The following CACNA1S variants were observed in gnomAD, a reference collection of about 807,000 sequenced individuals.
The protein encoded by CACNA1S is voltage-dependent L-type calcium channel subunit alpha-1S.
CACNA1S carries 126 observed loss-of-function variants against 207.4 expected under a neutral mutation model. That is an observed-to-expected ratio of 0.61 (90% CI 0.53 to 0.70). CACNA1S has a LOEUF of 0.70. CACNA1S is among the 30% of genes least tolerant of loss of function. CACNA1S has a pLI of 0.00. For synonymous variants in CACNA1S, 960 were observed against 932.7 expected (o/e 1.03, Z -0.53); for missense variants, 2,349 against 2,422.8 (o/e 0.97, Z 0.64).
chr1:201,059,533 G>C (rs1211422889), intron 26 of CACNA1S, among the ~76,000 whole-genome samples: 1 of 152,226 alleles, frequency 6.6e-6, no homozygotes, highest in East Asian at 1.9e-4. Context: ...TAACACAGAA[G>C]GGGAGGGGCT....
intron 13 of CACNA1S, 140 bp downstream of exon 13, chr1:201,075,355 C>T (rs578038063): frequency 2.3e-5 from 21 of 903,388 alleles, no homozygotes; most frequent in South Asian, 1.3e-4. Context: ...TGTCCTACCC[C>T]CTACCGCATG....
intron 5 of CACNA1S, 55 bp downstream of exon 5, chr1:201,091,585 C>T (rs1218789796): frequency 6.3e-7 from 1 of 1,597,764 alleles, no homozygotes; most frequent in Non-Finnish European, 8.6e-7. Context: ...GGTGGCTCCC[C>T]CTTCTGAGCC....
chr1:201,075,448 C>G, intron 13 of CACNA1S, 47 bp downstream of exon 13: 1 of 1,600,392 alleles, frequency 6.2e-7, no homozygotes, highest in Non-Finnish European at 8.6e-7. Flanking sequence ...CCCTTTCCCC[C>G]ACCCCCTCCC....
rs770656327 is a variant in CACNA1S at position 201,041,557 on chromosome 1, G to C, written c.5081C>G (p.Thr1694Arg). ...VHYEREFPEE[T>R]ETPATRGRAL... is the part of the protein sequence containing the mutation. ...TCGTCCTCTGGTAGCAGGCGTCTCT[G>C]TCTCTTCTGGGAACTCCCTTTCATA... The change falls in exon 41 of 44, where the codon ACA becomes AGA. Residue 1694 changes from threonine to arginine, a missense_variant. By Grantham distance (71) the Thr-to-Arg change is moderately conservative. Transcript: ENST00000362061. The C allele has an allele frequency of 1.9e-6, 3 of 1,614,002 alleles. No individual in the cohort carries two copies. Among genetic ancestry groups the C allele is most frequent in the East Asian group, 2.2e-5 (1 of 44,898 alleles).
intron 29 of CACNA1S, 86 bp downstream of exon 29, chr1:201,054,419 C>T (rs1427144072): frequency 1.8e-5 from 25 of 1,370,010 alleles, no homozygotes; most frequent in Admixed American, 1.7e-4. Context: ...CCACCCCATG[C>T]AATCCACGCA....
Position 201,040,322 on chromosome 1 carries a change from C to G in CACNA1S, c.5279G>C (p.Gly1760Ala), listed in dbSNP as rs554208789. Residue 1760 changes from glycine to alanine, a missense_variant, in exon 43 of 44, where the codon GGG becomes GCG. By Grantham distance (60) the Gly-to-Ala change is moderately conservative. Coordinates refer to ENST00000362061, the MANE Select transcript of CACNA1S (RefSeq NM_000069.3). ...GTGGGGTGTCTCCTCATGAAGAGAC[C>G]CTGGTGTGGAGCTCTTTCTGTCCTC... ...MPEDRKSSTP[G>A]SLHEETPHSR... 4 of 1,613,804 alleles carry G rather than the reference C, an allele frequency of 2.5e-6. No individual in the cohort carries two copies. The Admixed American group carries it at 6.7e-5, about 27-fold the overall frequency.
At position 201,069,480 on chromosome 1, in the gene CACNA1S, T is replaced by C. The variant is rs1174225838; in HGVS notation, c.2482A>G (p.Arg828Gly). Reference sequence around the variant, plus strand: ...AGGGTGAAGCCCGTCACCTGATTTCTCATGGAATCAGCCCGGATGGGGTCT... The same window carrying C: ...AGGGTGAAGCCCGTCACCTGATTTCCCATGGAATCAGCCCGGATGGGGTCT... ...AEDPIRADSM[R>G]NQILKHFDIG... The change falls in exon 18 of 44, where the codon AGA becomes GGA. Residue 828 changes from arginine to glycine, a missense_variant. Physicochemically the swap from Arg to Gly is moderately radical, Grantham distance 125. Transcript: ENST00000362061. 5.0e-6 allele frequency: 8 copies of C among 1,604,982 alleles called. No individual in the cohort carries two copies. In the African/African-American group the frequency reaches 9.3e-5, roughly 19 times the overall value.
chr1:201,054,361 T>C (rs1224417019), intron 29 of CACNA1S, 144 bp downstream of exon 29: 1 of 799,902 alleles, frequency 1.3e-6, no homozygotes, highest in East Asian at 2.6e-5. Context: ...GAGCCTAGCC[T>C]GGGTCCTCAG....
At chr1:201,059,110 G>A (rs1159352896) in intron 27 of CACNA1S, 79 bp downstream of exon 27, 7 of 887,186 alleles carry the variant, frequency 7.9e-6, no homozygotes, top group South Asian at 6.9e-5. Context: ...TAGGATGAGG[G>A]ATGGGGGTGG....
chr1:201,064,416 G>A (rs764585530), intron 22 of CACNA1S, among the ~76,000 whole-genome samples: 1 of 152,244 alleles, frequency 6.6e-6, no homozygotes, highest in Admixed American at 6.5e-5. Context: ...TTCTCTAGGG[G>A]CTCCACGCTG....
intron 23 of CACNA1S, 130 bp downstream of exon 23, chr1:201,062,332 T>C: frequency 9.7e-7 from 1 of 1,035,954 alleles, no homozygotes; most frequent in Non-Finnish European, 1.5e-6. Context: ...CACAGTCCCC[T>C]GCCCTGTGAT....
At chr1:201,074,138 C>G (rs1392187059) in intron 14 of CACNA1S, among the ~76,000 whole-genome samples, 1 of 151,802 alleles carries the variant, frequency 6.6e-6, no homozygotes, top group Non-Finnish European at 1.5e-5. Flanking sequence ...GCATGGGCAC[C>G]ACCGGGGAGC....
chr1:201,089,307 G>A lies in CACNA1S; in HGVS notation c.851C>T (p.Thr284Ile), dbSNP rs764819953. The A allele has an allele frequency of 1.2e-6, 2 of 1,614,152 alleles. No individual in the cohort carries two copies. The highest frequency in any genetic ancestry group is 2.7e-5 in the African/African-American group (2 of 74,948). The change falls in exon 6 of 44, where the codon ACC becomes ATC. Residue 284 changes from threonine to isoleucine, a missense_variant. Transcript: ENST00000362061. Reference protein sequence around the residue: ...HFDNFGFSMLTVYQCITMEGW... With the variant: ...HFDNFGFSMLIVYQCITMEGW... ...CTCCATGGTAATGCACTGGTACACGGTGAGCATGGAGAAGCCGAAGTTGTC... is the reference window on the plus strand; with the variant it reads ...CTCCATGGTAATGCACTGGTACACGATGAGCATGGAGAAGCCGAAGTTGTC...
intron 28 of CACNA1S, among the ~76,000 whole-genome samples, chr1:201,055,462 G>C (rs945537433): frequency 3.3e-5 from 5 of 152,198 alleles, no homozygotes; most frequent in African/African-American, 1.2e-4. Flanking sequence ...ATGCACCCCA[G>C]GTGATTCTCA....
At chr1:201,104,348 A>T (rs12408707) in intron 2 of CACNA1S, among the ~76,000 whole-genome samples, 24,577 of 152,082 alleles carry the variant, frequency 0.16, 2,182 homozygotes, top group Non-Finnish European at 0.21. Context: ...GGGCAGAACT[A>T]CTTCCCCTCC....
chr1:201,062,005 C>G lies in CACNA1S; in HGVS notation c.2992G>C (p.Asp998His), dbSNP rs116347156. ...GACATCATGGCTGAGAGCACATTGT[C>G]GAAGTGGAAGTCGCTGTGTACCCAC... ...REWVHSDFHF[D>H]NVLSAMMSLF... Residue 998 changes from aspartate to histidine, a missense_variant, in exon 24 of 44, where the codon GAC becomes CAC. Physicochemically the swap from Asp to His is moderately conservative, Grantham distance 81. Transcript: ENST00000362061. 1.2e-6 allele frequency: 2 copies of G among 1,614,058 alleles called. No individual in the cohort carries two copies. Among genetic ancestry groups the G allele is most frequent in the Non-Finnish European group, 1.7e-6 (2 of 1,180,030 alleles).
rs373525085 is a variant in CACNA1S at position 201,077,110 on chromosome 1, C to T, written c.1637G>A (p.Ser546Asn). ...GTTGAGCAGGGATGCCACCAGGTTG[C>T]TCAGCGACGTCCAATATCTGAAGGA... ...FKITKYWTSL[S>N]NLVASLLNSI... Residue 546 changes from serine to asparagine, a missense_variant, in exon 12 of 44, where the codon AGC (serine) becomes AAC (asparagine). By Grantham distance (46) the Ser-to-Asn change is conservative. Transcript: ENST00000362061. 54 of 1,613,974 alleles carry T rather than the reference C, an allele frequency of 3.3e-5. No homozygotes were observed. Among genetic ancestry groups the T allele is most frequent in the Middle Eastern group, 3.3e-4 (2 of 6,068 alleles).
chr1:201,093,407 T>C (rs1662310777), intron 3 of CACNA1S, among the ~76,000 whole-genome samples: 1 of 152,216 alleles, frequency 6.6e-6, no homozygotes, highest in African/African-American at 2.4e-5. Context: ...AGAAATAGAT[T>C]CCTGTTGTTT....
chr1:201,093,231 C>T (rs551172027), intron 3 of CACNA1S, among the ~76,000 whole-genome samples: 25 of 152,224 alleles, frequency 1.6e-4, no homozygotes, highest in Non-Finnish European at 3.4e-4. Flanking sequence ...TAAGATGAAA[C>T]GAAGTTGTTA....
Sources: gnomAD v4.1 joint callset for allele counts (sites outside exome capture counted in the v4.1 genomes callset) on GRCh38, gnomAD v4.1.1 for gene constraint, MANE v1.5 for transcripts, NCBI Gene and HGNC (gene_info 2026-07-23, HGNC 2026-07-21) for gene names.